The following SMARCD3 variants were observed in gnomAD, a reference collection of about 807,000 sequenced individuals.
SMARCD3 encodes SWI/SNF related BAF chromatin remodeling complex subunit D3.
A neutral mutation model predicts 58.0 loss-of-function variants in SMARCD3; 14 were observed. That is an observed-to-expected ratio of 0.24 (90% CI 0.16 to 0.38). SMARCD3 has a LOEUF of 0.38. Ranked by LOEUF, SMARCD3 falls within the 10% of genes least tolerant of loss-of-function variation. SMARCD3 has a pLI of 1.00. For missense variants in SMARCD3, 408 were observed against 636.9 expected, an observed-to-expected ratio of 0.64 and a Z score of 3.87; for synonymous variants, 253 against 253.8, an observed-to-expected ratio of 1.00 and a Z score of 0.03.
chr7:151,277,132 C>A (rs1291985747), upstream of SMARCD3: 1 of 150,844 alleles, frequency 6.6e-6, no homozygotes, highest in African/African-American at 2.4e-5. Context: ...GCTCGGCGCT[C>A]GGCTCGGCCC....
At chr7:151,273,528 G>A (rs2090533478) in intron 2 of SMARCD3, among the ~76,000 whole-genome samples, 1 of 152,214 alleles carries the variant, frequency 6.6e-6, no homozygotes, top group South Asian at 2.1e-4. Context: ...CCCCAGAACT[G>A]TAGAGTGCTT....
intron 2 of SMARCD3, among the ~76,000 whole-genome samples, chr7:151,260,338 C>A (rs541693502): frequency 6.6e-6 from 1 of 152,138 alleles, no homozygotes; most frequent in Admixed American, 6.5e-5. Context: ...CCTTAATTAT[C>A]GTTTTAAACA....
chr7:151,257,412 C>T (rs904842214), intron 2 of SMARCD3, among the ~76,000 whole-genome samples: 7 of 152,160 alleles, frequency 4.6e-5, no homozygotes, highest in African/African-American at 1.2e-4. Context: ...CTGCAAACTC[C>T]GCCTCCTGGG....
chr7:151,256,180 C>CGTACACTCTTGACTCTCTTAAGAGG (rs1803692174), intron 2 of SMARCD3, among the ~76,000 whole-genome samples: 1 of 141,246 alleles, frequency 7.1e-6, no homozygotes, highest in African/African-American at 2.6e-5. Flanking sequence ...CTGCGCCTGG[C>CGTACACTCTTGACTCTCTTAAGAGG]TTTTTTTTTT....
rs1374665511 is a variant in SMARCD3, at chr7:151,245,708, C to T, written c.79-37G>A. ...CGGGGGTGAAGCAGAAACGGGCGCC[C>T]GTGGGTCAGACCAGGGCCCCCCGCT... On this transcript the variant is annotated intron_variant, in intron 1 of 12. Transcript: ENST00000262188. This position sits in a 1 kb window ranked among gnomAD's most constrained non-coding sequence, Gnocchi z 6.2. The T allele has an allele frequency of 7.5e-6, 4 of 534,804 alleles. No individual in the cohort carries two copies. Among genetic ancestry groups the T allele is most frequent in the Non-Finnish European group, 1.1e-5 (4 of 352,166 alleles). 33.1% of individuals were successfully genotyped at this position (534,804 alleles called of 1,614,324 possible). A position where few individuals can be genotyped will look rare whatever the true frequency, so the allele number is the denominator to read the frequency against.
intron 2 of SMARCD3, among the ~76,000 whole-genome samples, chr7:151,261,392 G>A (rs539144445): frequency 4.6e-5 from 7 of 152,302 alleles, no homozygotes; most frequent in Admixed American, 3.9e-4. Flanking sequence ...CACAGCCCTT[G>A]AGTCAATTGG....
rs1007370212 is a variant in SMARCD3, at chr7:151,246,860, GGAA to G, written c.79-1192_79-1190del. On this transcript the variant is annotated intron_variant, in intron 1 of 12. Transcript: ENST00000262188. The surrounding 1 kb of genome is among the most constrained non-coding windows in gnomAD (Gnocchi z 4.4). Reference sequence around the variant, plus strand: ...GATGGGGACTGGGACCACGAAAGCAGGAAGAAGATCAGAGGGCAGGGGATGCAG... The same window carrying G: ...GATGGGGACTGGGACCACGAAAGCAGGAAGATCAGAGGGCAGGGGATGCAG... Among the ~76,000 whole-genome samples, 5 of 152,128 alleles carry G rather than the reference GGAA, an allele frequency of 3.3e-5. No homozygotes were observed. The highest frequency in any genetic ancestry group is 7.2e-5 in the African/African-American group (3 of 41,410).
Position 151,242,028 on chromosome 7 carries a change from G to A in SMARCD3, c.676-50C>T. 6.4e-7 allele frequency: 1 copy of A among 1,563,138 alleles called. No homozygotes were observed. The highest frequency in any genetic ancestry group is 8.8e-7 in the Non-Finnish European group (1 of 1,135,376). Reference sequence around the variant, plus strand: ...CTCCCAAAGGCCCATCTGGAGTGGTGGGGCCCAGGACTCTAGGGTGGTCCC... The same window carrying A: ...CTCCCAAAGGCCCATCTGGAGTGGTAGGGCCCAGGACTCTAGGGTGGTCCC... On this transcript the variant is annotated intron_variant, in intron 6 of 12. Transcript: ENST00000262188. This position sits in a 1 kb window ranked among gnomAD's most constrained non-coding sequence, Gnocchi z 4.7.
rs913695507 is a variant in SMARCD3 at position 151,239,850 on chromosome 7, A to G, written c.1174-104T>C. 1 of 1,263,894 alleles carries G rather than the reference A, an allele frequency of 7.9e-7. No individual in the cohort carries two copies. Among genetic ancestry groups the G allele is most frequent in the African/African-American group, 1.5e-5 (1 of 68,244 alleles). 78.3% of individuals were successfully genotyped at this position (1,263,894 alleles called of 1,614,324 possible). On this transcript the variant is annotated intron_variant, in intron 10 of 12. Transcript: ENST00000262188. This position sits in a 1 kb window ranked among gnomAD's most constrained non-coding sequence, Gnocchi z 7.0. The stretch of plus-strand genomic sequence containing the variant: ...GGAGGGAGAGGGGGTTTCTTCTGTG[A>G]AGGACAACCCCTCAGAGCCCCTGAT...
intron 2 of SMARCD3, among the ~76,000 whole-genome samples, chr7:151,263,695 C>CA (rs756394461): frequency 1.3e-5 from 2 of 152,236 alleles, no homozygotes; most frequent in Non-Finnish European, 2.9e-5. Flanking sequence ...CTGGTCTCTG[C>CA]ATTTTTTTCT....
chr7:151,264,969 G>A (rs553265033), intron 2 of SMARCD3, among the ~76,000 whole-genome samples: 15 of 152,324 alleles, frequency 9.8e-5, no homozygotes, highest in South Asian at 8.3e-4. Context: ...CCCTCAGGGC[G>A]TTGGCTCTTC....
intron 2 of SMARCD3, among the ~76,000 whole-genome samples, chr7:151,269,262 G>A (rs1029269065): frequency 6.6e-6 from 1 of 152,192 alleles, no homozygotes; most frequent in African/African-American, 2.4e-5. Context: ...TAGACCTGAA[G>A]CTGGAGCTCA....
chr7:151,264,000 T>A lies in SMARCD3; in HGVS notation c.39+11114A>T, dbSNP rs534825363. Among the ~76,000 whole-genome samples, 140 of 152,020 alleles carry A rather than the reference T, an allele frequency of 9.2e-4. 1 individual carries two copies. The highest frequency in any genetic ancestry group is 2.6e-4 in the Non-Finnish European group (18 of 67,978). On this transcript the variant is annotated intron_variant, in intron 2 of 13. Transcript: ENST00000356800. ...CACCTCAGGACCTCTGCACCTGCCA[T>A]TCTCTTGACCTGCAATGATCAGCCA...
At chr7:151,247,267 A>T (rs539114242) in intron 1 of SMARCD3, among the ~76,000 whole-genome samples, 1 of 151,974 alleles carries the variant, frequency 6.6e-6, no homozygotes, top group African/African-American at 2.4e-5. Flanking sequence ...GCCTCTCCCC[A>T]CTAGATGGGC....
rs1803285241 is a variant in SMARCD3, at chr7:151,246,754, C to T, written c.79-1083G>A. 1.3e-5 allele frequency among the ~76,000 whole-genome samples: 2 copies of T among 152,114 alleles called. No individual in the cohort carries two copies. The highest frequency in any genetic ancestry group is 2.1e-4 in the South Asian group (1 of 4,828). The stretch of plus-strand genomic sequence containing the variant: ...ATGCATCGAGCGAAGTGTTCCAAAC[C>T]CCACTTGTCCAGACTCCAGAAGGGA... On this transcript the variant is annotated intron_variant, in intron 1 of 12. Transcript: ENST00000262188. This position sits in a 1 kb window ranked among gnomAD's most constrained non-coding sequence, Gnocchi z 4.4.
upstream of SMARCD3, among the ~76,000 whole-genome samples, chr7:151,250,348 C>A: frequency 6.6e-6 from 1 of 151,996 alleles, no homozygotes; most frequent in East Asian, 2.0e-4. Flanking sequence ...CACCCCCACA[C>A]ACAGAGCCTG....
upstream of SMARCD3, chr7:151,248,704 G>A: frequency 2.6e-5 from 35 of 1,366,658 alleles, no homozygotes; most frequent in Non-Finnish European, 3.3e-5. This position sits in a 1 kb window ranked among gnomAD's most constrained non-coding sequence, Gnocchi z 6.1. Context: ...TGGGGAGGGG[G>A]CCCCTTCAGG....
chr7:151,239,258 C>T lies in SMARCD3; in HGVS notation c.1399-102G>A. On this transcript the variant is annotated intron_variant, in intron 12 of 12. Transcript: ENST00000262188. The surrounding 1 kb of genome is among the most constrained non-coding windows in gnomAD (Gnocchi z 7.0). ...CCTGCCCTGAAAGAGCATCTGGGAG[C>T]AGGGAGGGCCATTGCATGGTGAGGC... The T allele has an allele frequency of 1.8e-5, 25 of 1,394,558 alleles. No homozygotes were observed. The highest frequency in any genetic ancestry group is 2.3e-5 in the Non-Finnish European group (23 of 981,522). The allele number at this position is 1,394,558 out of a possible 1,614,324, so 86.4% of individuals were successfully genotyped here.
Position 151,246,453 on chromosome 7 carries a change from G to T in SMARCD3, c.79-782C>A, listed in dbSNP as rs118179667. Among the ~76,000 whole-genome samples, 3 of 152,152 alleles carry T rather than the reference G, an allele frequency of 2.0e-5. No individual in the cohort carries two copies. Among genetic ancestry groups the T allele is most frequent in the Non-Finnish European group, 4.4e-5 (3 of 68,012 alleles). ...GCAGGCAAGGGCAGCCTGCTGGGGC[G>T]CCCCAGACACAGCCAGGATTCTCTG... On this transcript the variant is annotated intron_variant, in intron 1 of 12. Coordinates refer to ENST00000262188, the MANE Select transcript of SMARCD3 (RefSeq NM_001003801.2). The surrounding 1 kb of genome is among the most constrained non-coding windows in gnomAD (Gnocchi z 4.4).
Sources: allele counts gnomAD v4.1 joint callset (sites outside exome capture counted in the v4.1 genomes callset), GRCh38; gene constraint gnomAD v4.1.1; non-coding constraint Gnocchi (gnomAD v3.1); transcripts MANE v1.5; gene names NCBI Gene and HGNC (gene_info 2026-07-23, HGNC 2026-07-21).